The following PAFAH1B1 variants were observed in gnomAD, a reference collection of about 807,000 sequenced individuals.
PAFAH1B1 encodes platelet activating factor acetylhydrolase 1b regulatory subunit 1.
Under a neutral mutation model 57.5 loss-of-function variants are expected in PAFAH1B1, and 2 were observed. The observed-to-expected ratio is 0.03, with a 90% CI of 0.01 to 0.11. PAFAH1B1 has a LOEUF of 0.11. PAFAH1B1 is among the 10% of genes least tolerant of loss of function. PAFAH1B1 has a pLI of 1.00. For synonymous variants in PAFAH1B1, 152 were observed against 169.6 expected, an observed-to-expected ratio of 0.90 and a Z score of 0.81; for missense variants, 257 against 512.0, an observed-to-expected ratio of 0.50 and a Z score of 4.81.
At chr17:2,679,606 GTGGATGGATGGATGATTGGATGAT>G (rs1567563073) in intron 9 of PAFAH1B1, 3 of 108,682 alleles carry the variant, frequency 2.8e-5, no homozygotes, top group East Asian at 2.7e-4. Flanking sequence ...GGGTGGGTGG[GTGGATGGATGGATGATTGGATGAT>G]TGGATGGATG....
chr17:2,643,279 T>G lies in PAFAH1B1; in HGVS notation c.32+4959T>G, dbSNP rs185568094. Among the ~76,000 whole-genome samples, 406 of 152,120 alleles carry G rather than the reference T, an allele frequency of 2.7e-3. 4 individuals carry two copies. Among genetic ancestry groups the G allele is most frequent in the Admixed American group, 8.3e-3 (127 of 15,248 alleles). ...TGCTCAGCTAATTTTTTCCTTTGCCTTTTTTGTTTTCCCCCTTTTGTGGAG... is the reference window on the plus strand; with the variant it reads ...TGCTCAGCTAATTTTTTCCTTTGCCGTTTTTGTTTTCCCCCTTTTGTGGAG... On this transcript the variant is annotated intron_variant, in intron 2 of 10. Transcript: ENST00000397195.
rs1302238061 is a variant in PAFAH1B1, at chr17:2,638,093, C to G, written c.-190-6C>G. 4.0e-6 allele frequency: 2 copies of G among 498,756 alleles called. No homozygotes were observed. Among genetic ancestry groups the G allele is most frequent in the East Asian group, 6.3e-5 (2 of 31,998 alleles). The allele number at this position is 498,756 out of a possible 1,614,324, so 30.9% of individuals were successfully genotyped here. On this transcript the variant is annotated splice_region_variant and splice_polypyrimidine_tract_variant and intron_variant, in intron 1 of 10. Transcript: ENST00000397195. The stretch of plus-strand genomic sequence containing the variant: ...TAATCTTTTTTTTTCTTCTCTTTCT[C>G]CTTAGGTGGAATGAATCTTACTTGT...
intron 7 of PAFAH1B1, 46 bp downstream of exon 7, chr17:2,672,803 C>G: frequency 3.3e-6 from 4 of 1,197,922 alleles, no homozygotes; most frequent in Non-Finnish European, 5.0e-6. Context: ...GGTGCAGTGG[C>G]TCACACCTGT....
chr17:2,629,216 G>A (rs2068527523), intron 1 of PAFAH1B1, among the ~76,000 whole-genome samples: 1 of 152,068 alleles, frequency 6.6e-6, no homozygotes, highest in Non-Finnish European at 1.5e-5. Flanking sequence ...CAGACTTTTT[G>A]ATGTAGGCGT....
chr17:2,660,025 G>A (rs934282586), intron 2 of PAFAH1B1, among the ~76,000 whole-genome samples: 4 of 152,056 alleles, frequency 2.6e-5, no homozygotes, highest in African/African-American at 9.7e-5. Context: ...GATGTCTTTT[G>A]GAGGAGGGTA....
intron 1 of PAFAH1B1, among the ~76,000 whole-genome samples, chr17:2,596,433 C>T (rs2068084703): frequency 6.6e-6 from 1 of 152,052 alleles, no homozygotes; most frequent in Non-Finnish European, 1.5e-5. Context: ...TGCATGAAAG[C>T]CCCTTCAGAT....
chr17:2,646,412 A>G (rs1019982531), intron 2 of PAFAH1B1, among the ~76,000 whole-genome samples: 3 of 130,752 alleles, frequency 2.3e-5, no homozygotes, highest in East Asian at 5.5e-4. Context: ...GTTTGAAACA[A>G]TCTGCTGGGC....
chr17:2,669,584 A>T (rs2069152856), intron 5 of PAFAH1B1, among the ~76,000 whole-genome samples: 2 of 152,190 alleles, frequency 1.3e-5, no homozygotes. Context: ...ACTCAAAATG[A>T]CATATGCTCT....
At chr17:2,657,620 CCAGCT>C (rs1191460428) in intron 2 of PAFAH1B1, among the ~76,000 whole-genome samples, 70 of 152,216 alleles carry the variant, frequency 4.6e-4, no homozygotes, top group Non-Finnish European at 6.2e-4. Flanking sequence ...TTCACTTGGT[CCAGCT>C]CAGCTCCCTG....
chr17:2,654,947 T>G (rs2068917307), intron 2 of PAFAH1B1, among the ~76,000 whole-genome samples: 1 of 150,336 alleles, frequency 6.7e-6, no homozygotes, highest in Non-Finnish European at 1.5e-5. Flanking sequence ...TGGCTTTTTT[T>G]TTTCTTCTTT....
At chr17:2,598,596 T>A (rs183263180) in intron 1 of PAFAH1B1, among the ~76,000 whole-genome samples, 34 of 152,114 alleles carry the variant, frequency 2.2e-4, no homozygotes, top group African/African-American at 8.2e-4. Flanking sequence ...GTACAACTAT[T>A]ACTTTTTTTT....
rs2069434023 is a variant in PAFAH1B1, at chr17:2,684,246, A to G, written c.*2444A>G. 1 of 152,648 alleles carries G rather than the reference A, an allele frequency of 6.6e-6. No individual in the cohort carries two copies. Among genetic ancestry groups the G allele is most frequent in the Admixed American group, 6.5e-5 (1 of 15,278 alleles). 9.5% of individuals were successfully genotyped at this position (152,648 alleles called of 1,614,324 possible). A position where few individuals can be genotyped will look rare whatever the true frequency, so the allele number is the denominator to read the frequency against. On this transcript the variant is annotated 3_prime_UTR_variant, in exon 11 of 11. Coordinates refer to ENST00000397195, the MANE Select transcript of PAFAH1B1 (RefSeq NM_000430.4). ...GGTGGGGGAGAGCAGTCCGTCTACA[A>G]CCTGGAATCAGATTTGCAAAATTTC...
chr17:2,600,331 T>C (rs557721686), intron 1 of PAFAH1B1, among the ~76,000 whole-genome samples: 1 of 151,636 alleles, frequency 6.6e-6, no homozygotes, highest in South Asian at 2.1e-4. Context: ...CCCAGGACTT[T>C]GGGAGGCCAA....
chr17:2,664,667 T>G (rs77785679), intron 2 of PAFAH1B1, among the ~76,000 whole-genome samples: 1,369 of 97,134 alleles, frequency 0.014, 25 homozygotes, highest in South Asian at 0.037. Context: ...TATCTATCGC[T>G]CTCTCTCTCT....
rs2151663939 is a variant in PAFAH1B1, at chr17:2,670,173, A to G, written c.410A>G (p.Tyr137Cys). ...SEDATIKVWD[Y>C]ETGDFERTLK... ...CTGTTCACTTGACAGGTGTGGGATT[A>G]TGAGACTGGAGATTTTGAACGAACT... The change falls in exon 6 of 11, where the codon TAT becomes TGT. Residue 137 changes from tyrosine (Y) to cysteine (C), a missense_variant. Physicochemically the swap from Tyr to Cys is radical, Grantham distance 194. Coordinates refer to ENST00000397195, the MANE Select transcript of PAFAH1B1 (RefSeq NM_000430.4). 6.2e-7 allele frequency: 1 copy of G among 1,614,154 alleles called. No homozygotes were observed. Among genetic ancestry groups the G allele is most frequent in the East Asian group, 2.2e-5 (1 of 44,880 alleles).
intron 2 of PAFAH1B1, among the ~76,000 whole-genome samples, chr17:2,659,847 G>A (rs1363671314): frequency 6.6e-6 from 1 of 152,022 alleles, no homozygotes; most frequent in Non-Finnish European, 1.5e-5. Context: ...AAAAAAATTA[G>A]GAAGCCTTGT....
chr17:2,606,694 A>G (rs930817439), intron 1 of PAFAH1B1, among the ~76,000 whole-genome samples: 5 of 148,734 alleles, frequency 3.4e-5, no homozygotes, highest in Non-Finnish European at 5.9e-5. Flanking sequence ...TTTGTTTTCT[A>G]TTTTTATTAG....
intron 2 of PAFAH1B1, among the ~76,000 whole-genome samples, chr17:2,661,110 C>T (rs1000495468): frequency 6.6e-6 from 1 of 151,498 alleles, no homozygotes; most frequent in Non-Finnish European, 1.5e-5. Flanking sequence ...TTTTCCCGTT[C>T]TGTAGGTTGC....
intron 1 of PAFAH1B1, chr17:2,609,571 G>A (rs2068243325): frequency 6.6e-6 from 1 of 152,106 alleles, no homozygotes; most frequent in African/African-American, 2.4e-5. Flanking sequence ...GGAGTGCAGT[G>A]GCGCTGTCTC....
Sources: allele counts gnomAD v4.1 joint callset (sites outside exome capture counted in the v4.1 genomes callset), GRCh38; gene constraint gnomAD v4.1.1; transcripts MANE v1.5; gene names NCBI Gene and HGNC (gene_info 2026-07-23, HGNC 2026-07-21).